KYNU: variants seen among roughly 807,000 people sequenced by gnomAD.
KYNU encodes kynureninase.
In KYNU, 54 loss-of-function variants were observed where a neutral mutation model predicts 59.2. That is an observed-to-expected ratio of 0.91 (90% CI 0.73 to 1.14). The LOEUF (loss-of-function observed/expected upper bound fraction) is 1.14, where lower values mean the gene tolerates loss of function less well. Among genes scored for constraint, KYNU ranks in the 50% most tolerant of loss-of-function variants. The pLI is 0.00. For missense variants in KYNU, 567 were observed against 554.4 expected (o/e 1.02, Z -0.23); for synonymous variants, 177 against 192.0 (o/e 0.92, Z 0.65).
intron 4 of KYNU, among the ~76,000 whole-genome samples, chr2:142,937,965 A>G (rs984824686): frequency 6.6e-6 from 1 of 152,252 alleles, no homozygotes; most frequent in Admixed American, 6.5e-5. Flanking sequence ...ACCATCATAA[A>G]TGTCCTTATT....
intron 11 of KYNU, among the ~76,000 whole-genome samples, chr2:143,031,755 T>G (rs1356336234): frequency 6.6e-6 from 1 of 151,984 alleles, no homozygotes; most frequent in Non-Finnish European, 1.5e-5. Context: ...TGGGTCAAAT[T>G]TGGCCCACAG....
chr2:143,029,140 G>C (rs374374775), intron 10 of KYNU, among the ~76,000 whole-genome samples: 27 of 152,086 alleles, frequency 1.8e-4, no homozygotes, highest in African/African-American at 4.6e-4. Context: ...GAGATGGATA[G>C]ATTTTTATCC....
intron 4 of KYNU, among the ~76,000 whole-genome samples, chr2:142,951,485 C>T (rs1288129506): frequency 6.6e-6 from 1 of 152,150 alleles, no homozygotes; most frequent in Admixed American, 6.5e-5. Context: ...GTGATCATGC[C>T]TCTGTACTCC....
chr2:142,971,120 T>C (rs1201539978), intron 8 of KYNU: 1 of 152,194 alleles, frequency 6.6e-6, no homozygotes, highest in Non-Finnish European at 1.5e-5. Flanking sequence ...TGGTTTCAAA[T>C]ATCTTCCAAA....
rs1200771942 is a variant in KYNU at position 143,042,809 on chromosome 2, T to A, written c.*637T>A. The A allele has an allele frequency of 2.6e-5, 4 of 151,614 alleles. No individual in the cohort carries two copies. In the East Asian group the frequency reaches 7.7e-4, roughly 29 times the overall value. 9.4% of individuals were successfully genotyped at this position (151,614 alleles called of 1,614,324 possible). ...TAAGATATTTTATCATATTTTAACA[T>A]CTTTGAAAGAGGACCCATCTTTCAA... is the stretch of plus-strand genomic sequence containing the variant. On this transcript the variant is annotated 3_prime_UTR_variant, in exon 14 of 14. Transcript: ENST00000264170.
chr2:142,883,649 C>T (rs758940623), intron 1 of KYNU, among the ~76,000 whole-genome samples: 2 of 152,174 alleles, frequency 1.3e-5, no homozygotes, highest in African/African-American at 4.8e-5. Context: ...CCAGGTTCCT[C>T]CAGGTCCAGG....
chr2:142,956,850 G>A (rs1684179791), intron 6 of KYNU, among the ~76,000 whole-genome samples: 2 of 152,200 alleles, frequency 1.3e-5, no homozygotes, highest in East Asian at 3.9e-4. Context: ...ACAAATAAAA[G>A]TACAATGTAA....
In KYNU at chr2:143,046,563, A is replaced by AAT. The variant is rs1687166981; in HGVS notation, c.*4395_*4396dup. 7.1e-6 allele frequency: 1 copy of AAT among 141,026 alleles called. No homozygotes were observed. Among genetic ancestry groups the AAT allele is most frequent in the African/African-American group, 2.5e-5 (1 of 39,788 alleles). The allele number at this position is 141,026 out of a possible 1,614,324, so 8.7% of individuals were successfully genotyped here. On this transcript the variant is annotated 3_prime_UTR_variant, in exon 14 of 14. Coordinates refer to ENST00000264170, the MANE Select transcript of KYNU (RefSeq NM_003937.3). ...AGCCAGGTTTCTATATATCTATATA[A>AAT]ATATAGATATGTAGATATATGAAAG...
At chr2:142,887,168 TCAA>T (rs78289913) in intron 2 of KYNU, among the ~76,000 whole-genome samples, 84,589 of 150,328 alleles carry the variant, frequency 0.56, 23,968 homozygotes, top group Middle Eastern at 0.64. Context: ...AGGCTCCATC[TCAA>T]CAACAACAAC....
chr2:142,966,722 A>C (rs1208961926), intron 8 of KYNU, among the ~76,000 whole-genome samples: 1 of 152,164 alleles, frequency 6.6e-6, no homozygotes, highest in Non-Finnish European at 1.5e-5. Flanking sequence ...TTAACAAATT[A>C]GGAAAATAAT....
At chr2:143,023,036 T>C (rs1001110647) in intron 10 of KYNU, among the ~76,000 whole-genome samples, 2 of 151,956 alleles carry the variant, frequency 1.3e-5, no homozygotes, top group African/African-American at 4.8e-5. Context: ...TGTACTTTTA[T>C]AACACTTTTT....
At chr2:142,994,703 G>C (rs987706530) in intron 10 of KYNU, among the ~76,000 whole-genome samples, 1 of 151,976 alleles carries the variant, frequency 6.6e-6, no homozygotes, top group Non-Finnish European at 1.5e-5. Flanking sequence ...TAAATTCTTT[G>C]AGTCCTGGGA....
rs552864756 is a variant in KYNU at position 143,001,192 on chromosome 2, A to G, written c.902+15171A>G. ...AAGAGGGAGTGAGTTAGACAAAGGC[A>G]TGAACACTAGGAGGGCACTTTAAGA... On this transcript the variant is annotated intron_variant, in intron 10 of 13. Transcript: ENST00000264170. Among the ~76,000 whole-genome samples the G allele has an allele frequency of 3.7e-4, 57 of 152,266 alleles. 1 individual carries two copies. Among genetic ancestry groups the G allele is most frequent in the Admixed American group, 3.2e-3 (49 of 15,288 alleles).
chr2:142,923,663 T>C (rs1405329309), intron 3 of KYNU, among the ~76,000 whole-genome samples: 1 of 152,250 alleles, frequency 6.6e-6, no homozygotes, highest in African/African-American at 2.4e-5. Context: ...AAAGAGCATA[T>C]TGTAAGCTGG....
intron 2 of KYNU, among the ~76,000 whole-genome samples, chr2:142,893,056 T>C (rs144481783): frequency 6.6e-6 from 1 of 152,328 alleles, no homozygotes; most frequent in Non-Finnish European, 1.5e-5. Flanking sequence ...CAATTTTTGT[T>C]CTTGGTGGCC....
intron 4 of KYNU, among the ~76,000 whole-genome samples, chr2:142,928,302 G>T (rs1340401745): frequency 6.6e-6 from 1 of 152,076 alleles, no homozygotes; most frequent in Non-Finnish European, 1.5e-5. Context: ...TGGTAAATGT[G>T]TTAACATTTT....
chr2:142,956,195 T>C lies in KYNU; in HGVS notation c.436-8T>C. ...TAATGCTTTCTCAATAAATCCATTT[T>C]ATTGCAGTTATCATTTTTTAAGCCT... is the stretch of plus-strand genomic sequence containing the variant. On this transcript the variant is annotated splice_region_variant and splice_polypyrimidine_tract_variant and intron_variant, in intron 5 of 13. Coordinates refer to ENST00000264170, the MANE Select transcript of KYNU (RefSeq NM_003937.3). The C allele has an allele frequency of 6.7e-7, 1 of 1,498,220 alleles. No individual in the cohort carries two copies. The highest frequency in any genetic ancestry group is 9.3e-7 in the Non-Finnish European group (1 of 1,075,958). 92.8% of individuals were successfully genotyped at this position (1,498,220 alleles called of 1,614,324 possible).
chr2:143,009,322 A>T (rs1376267471), intron 10 of KYNU, among the ~76,000 whole-genome samples: 1 of 95,542 alleles, frequency 1.0e-5, no homozygotes, highest in Non-Finnish European at 1.9e-5. Context: ...GAAATGGATA[A>T]ATTCCTCGAC....
chr2:142,882,234 A>C, intron 1 of KYNU, among the ~76,000 whole-genome samples: 1 of 148,818 alleles, frequency 6.7e-6, no homozygotes, highest in African/African-American at 2.5e-5. Context: ...ATAAATCCAC[A>C]CTCTTCTCTC....
Sources: allele counts gnomAD v4.1 joint callset (sites outside exome capture counted in the v4.1 genomes callset), GRCh38; gene constraint gnomAD v4.1.1; transcripts MANE v1.5; gene names NCBI Gene and HGNC (gene_info 2026-07-23, HGNC 2026-07-21).